GLI2: variants seen among roughly 807,000 people sequenced by gnomAD.
GLI2 encodes GLI family zinc finger 2.
GLI2 carries 22 observed loss-of-function variants against 78.9 expected under a neutral mutation model. That is an observed-to-expected ratio of 0.28 (90% CI 0.20 to 0.40). The LOEUF is 0.40. Ranked by LOEUF, GLI2 falls within the 10% of genes least tolerant of loss-of-function variation. The pLI, the probability that GLI2 is intolerant of heterozygous loss-of-function variation, is 1.00. For synonymous variants in GLI2, 974 were observed against 963.7 expected (o/e 1.01, Z -0.20); for missense variants, 2,097 against 2,213.2 (o/e 0.95, Z 1.05).
chr2:120,976,234 C>T (rs1285900447), intron 9 of GLI2, among the ~76,000 whole-genome samples: 1 of 152,232 alleles, frequency 6.6e-6, no homozygotes, highest in Non-Finnish European at 1.5e-5. Flanking sequence ...TATTCAGAAG[C>T]TGTCCAGAGG....
At chr2:120,854,347 C>T (rs561745432) in intron 2 of GLI2, among the ~76,000 whole-genome samples, 3 of 152,334 alleles carry the variant, frequency 2.0e-5, no homozygotes, top group African/African-American at 7.2e-5. Flanking sequence ...TTGGGTCCCA[C>T]TTTTAAGAGG....
At chr2:120,788,212 C>G (rs1684051159) in intron 1 of GLI2, among the ~76,000 whole-genome samples, 1 of 152,230 alleles carries the variant, frequency 6.6e-6, no homozygotes, top group Admixed American at 6.5e-5. Context: ...AGAGTCTGCA[C>G]TCACTGGCCT....
chr2:120,864,476 T>C (rs1317414566), intron 2 of GLI2, among the ~76,000 whole-genome samples: 2 of 149,326 alleles, frequency 1.3e-5, no homozygotes, highest in Non-Finnish European at 3.0e-5. Context: ...CCACCCTCTC[T>C]TTTTTTTTTG....
chr2:120,896,449 G>T (rs952532026), intron 2 of GLI2, among the ~76,000 whole-genome samples: 6 of 152,168 alleles, frequency 3.9e-5, no homozygotes, highest in Admixed American at 3.9e-4. Context: ...GGCCCACCAA[G>T]CTGGGGTGGG....
intron 2 of GLI2, among the ~76,000 whole-genome samples, chr2:120,835,076 A>G (rs1686544235): frequency 6.6e-6 from 1 of 152,182 alleles, no homozygotes; most frequent in Non-Finnish European, 1.5e-5. Context: ...AACACACCAA[A>G]CTGAAAAAAA....
chr2:120,910,020 G>A (rs1052429050), intron 2 of GLI2, among the ~76,000 whole-genome samples: 1 of 152,034 alleles, frequency 6.6e-6, no homozygotes, highest in Non-Finnish European at 1.5e-5. Flanking sequence ...AGGCCCAGCT[G>A]GGGGTGGAGT....
chr2:120,879,746 A>G (rs1010361791), intron 2 of GLI2, among the ~76,000 whole-genome samples: 3 of 152,156 alleles, frequency 2.0e-5, no homozygotes, highest in Non-Finnish European at 4.4e-5. Context: ...GAGTTTGTGG[A>G]CGAAAAGCAG....
chr2:120,956,079 G>A (rs1252509361), intron 5 of GLI2, among the ~76,000 whole-genome samples: 2 of 152,162 alleles, frequency 1.3e-5, no homozygotes, highest in Admixed American at 6.5e-5. Context: ...CTCACAGAAG[G>A]AATCTCCTTC....
At chr2:120,813,162 G>A (rs888908544) in intron 2 of GLI2, among the ~76,000 whole-genome samples, 1 of 152,336 alleles carries the variant, frequency 6.6e-6, no homozygotes, top group African/African-American at 2.4e-5. Flanking sequence ...CCGGGGTGGT[G>A]AAACATGCTT....
chr2:120,940,730 A>C (rs11893765), intron 3 of GLI2, among the ~76,000 whole-genome samples: 3,830 of 152,328 alleles, frequency 0.025, 175 homozygotes, highest in African/African-American at 0.088. Context: ...ATGCCTGCCA[A>C]GCAGCAGCAC....
rs373251125 is a variant in GLI2 at position 120,752,911 on chromosome 2, T to C, written c.-31+16626T>C. ...TCTGTGTGTCTGGGCGGGATACCAC[T>C]GTATGGTTATACCATCGGTTATTTA... On this transcript the variant is annotated intron_variant, in intron 1 of 13. Coordinates refer to ENST00000361492, the MANE Select transcript of GLI2 (RefSeq NM_001374353.1). Among the ~76,000 whole-genome samples the C allele has an allele frequency of 1.3e-4, 20 of 152,354 alleles. No homozygotes were observed. The East Asian group carries it at 1.7e-3, about 13-fold the overall frequency.
chr2:120,931,680 T>A (rs13014662), intron 3 of GLI2, among the ~76,000 whole-genome samples: 3 of 152,298 alleles, frequency 2.0e-5, no homozygotes, highest in East Asian at 1.9e-4. Context: ...ATCTTCCTGA[T>A]TGCTCTGTGA....
chr2:120,838,604 C>G (rs1002684280), intron 2 of GLI2, among the ~76,000 whole-genome samples: 10 of 152,086 alleles, frequency 6.6e-5, no homozygotes, highest in Non-Finnish European at 1.2e-4. Flanking sequence ...CTTTGTGTTG[C>G]TATAACAGAA....
At chr2:120,846,040 A>C (rs1687097918) in intron 2 of GLI2, among the ~76,000 whole-genome samples, 1 of 152,102 alleles carries the variant, frequency 6.6e-6, no homozygotes, top group Non-Finnish European at 1.5e-5. Flanking sequence ...GCCTTTCCCC[A>C]GGTCAGCTGG....
intron 1 of GLI2, among the ~76,000 whole-genome samples, chr2:120,775,005 G>C (rs143243678): frequency 6.6e-6 from 1 of 152,186 alleles, no homozygotes; most frequent in Admixed American, 6.5e-5. Context: ...AGTCTGTGTG[G>C]GTGGTCCAGG....
At chr2:120,749,205 A>G (rs1468048088) in intron 1 of GLI2, among the ~76,000 whole-genome samples, 1 of 152,226 alleles carries the variant, frequency 6.6e-6, no homozygotes. Flanking sequence ...TTGTTTATAA[A>G]TGAATTTTGG....
rs908995023 is a variant in GLI2, at chr2:120,814,176, T to C, written c.148+16708T>C. On this transcript the variant is annotated intron_variant, in intron 2 of 13. Coordinates refer to ENST00000361492, the MANE Select transcript of GLI2 (RefSeq NM_001374353.1). ...TTGCACAGCTGGGCAAAGTGGGCTT[T>C]GGAGACAGAAAACCCTCAGTTAACC... Among the ~76,000 whole-genome samples the C allele has an allele frequency of 2.5e-4, 38 of 152,290 alleles. 1 individual carries two copies. Among genetic ancestry groups the C allele is most frequent in the Admixed American group, 2.0e-3 (30 of 15,302 alleles).
At chr2:120,813,015 C>T (rs141704185) in intron 2 of GLI2, among the ~76,000 whole-genome samples, 145 of 151,580 alleles carry the variant, frequency 9.6e-4, no homozygotes, top group Admixed American at 1.2e-3. Flanking sequence ...AGATGGACCC[C>T]CAGCACTGCG....
At chr2:120,973,104 T>C (rs1330152993) in intron 8 of GLI2, among the ~76,000 whole-genome samples, 1 of 152,176 alleles carries the variant, frequency 6.6e-6, no homozygotes, top group Non-Finnish European at 1.5e-5. Context: ...CTGTGAACCA[T>C]CAGGCATGCT....
Sources: allele counts gnomAD v4.1 joint callset (sites outside exome capture counted in the v4.1 genomes callset), GRCh38; gene constraint gnomAD v4.1.1; transcripts MANE v1.5; gene names NCBI Gene and HGNC (gene_info 2026-07-23, HGNC 2026-07-21).